Variants in FLACC1 observed in about 807,000 individuals in gnomAD.
FLACC1 encodes the protein flagellum associated containing coiled-coil domains 1, also known as flagellum-associated coiled-coil domain-containing protein 1.
In FLACC1, 66 loss-of-function variants were observed where a neutral mutation model predicts 62.8. The ratio of observed to expected loss-of-function variants is 1.05; its 90% confidence interval spans 0.86 to 1.29. The LOEUF is 1.29. Among genes scored for constraint, FLACC1 ranks in the 50% most tolerant of loss-of-function variants. The pLI is 0.00. For missense variants in FLACC1, 452 were observed against 489.1 expected (o/e 0.92, Z 0.71); for synonymous variants, 156 against 161.0 (o/e 0.97, Z 0.24).
At chr2:201,347,201 A>C (rs555100119) in intron 4 of FLACC1, among the ~76,000 whole-genome samples, 14 of 152,344 alleles carry the variant, frequency 9.2e-5, no homozygotes, top group African/African-American at 3.4e-4. Context: ...TTCCCATTAG[A>C]CGCCAAGTCA....
intron 5 of FLACC1, among the ~76,000 whole-genome samples, chr2:201,345,119 C>T (rs1950886058): frequency 6.6e-6 from 1 of 152,242 alleles, no homozygotes; most frequent in South Asian, 2.1e-4. Flanking sequence ...CAACTGGTGA[C>T]AACTTCCTTG....
chr2:201,290,286 T>C (rs1478852573), intron 12 of FLACC1, among the ~76,000 whole-genome samples: 1 of 151,840 alleles, frequency 6.6e-6, no homozygotes, highest in African/African-American at 2.4e-5. Context: ...CTATGGACTT[T>C]AGTTAATAAG....
intron 11 of FLACC1, among the ~76,000 whole-genome samples, chr2:201,302,816 G>A (rs1950014267): frequency 6.6e-6 from 1 of 152,152 alleles, no homozygotes; most frequent in Admixed American, 6.5e-5. Flanking sequence ...TGAAAAACCT[G>A]CTCCTGAATG....
At chr2:201,319,242 C>T (rs560840761) in intron 9 of FLACC1, among the ~76,000 whole-genome samples, 1 of 152,160 alleles carries the variant, frequency 6.6e-6, no homozygotes, top group East Asian at 1.9e-4. Context: ...ACAAAGTAGA[C>T]AAAAACAAGT....
intron 11 of FLACC1, among the ~76,000 whole-genome samples, chr2:201,300,646 C>T (rs1019444449): frequency 2.6e-5 from 4 of 152,058 alleles, no homozygotes; most frequent in African/African-American, 7.2e-5. Flanking sequence ...CCCTGACCCC[C>T]GAGAAGCCTA....
rs765327826 is a variant in FLACC1, at chr2:201,351,400, T to C, written c.5A>G (p.Tyr2Cys). The C allele has an allele frequency of 3.9e-5, 63 of 1,612,652 alleles. No homozygotes were observed. The highest frequency in any genetic ancestry group is 5.2e-5 in the Non-Finnish European group (61 of 1,179,174). Residue 2 changes from tyrosine to cysteine, a missense_variant, in exon 2 of 15, where the codon TAC becomes TGC. Transcript: ENST00000392257. Reference protein sequence around the residue: MYPNPLIYCTCW... With the variant: MCPNPLIYCTCW... The stretch of plus-strand genomic sequence containing the variant: ...GGTGCAGTAGATGAGAGGGTTGGGG[T>C]ACATGGCCAAAGGTCAGGGGGAGTC...
intron 12 of FLACC1, among the ~76,000 whole-genome samples, chr2:201,295,311 G>C (rs1209546506): frequency 6.6e-6 from 1 of 152,108 alleles, no homozygotes; most frequent in Admixed American, 6.5e-5. Flanking sequence ...TACCAAAACA[G>C]AGATATAGAC....
chr2:201,313,888 C>A (rs1950262332), intron 9 of FLACC1, among the ~76,000 whole-genome samples: 2 of 152,214 alleles, frequency 1.3e-5, no homozygotes, highest in Non-Finnish European at 2.9e-5. Context: ...CATCACAGGA[C>A]TCTGTGCAGA....
intron 9 of FLACC1, among the ~76,000 whole-genome samples, chr2:201,315,020 A>G (rs1354074928): frequency 6.6e-6 from 1 of 152,222 alleles, no homozygotes; most frequent in Non-Finnish European, 1.5e-5. Context: ...CAGCACTACA[A>G]AAACTGCTAA....
chr2:201,321,284 T>C (rs912173068), intron 9 of FLACC1, among the ~76,000 whole-genome samples: 3 of 152,110 alleles, frequency 2.0e-5, no homozygotes, highest in Non-Finnish European at 4.4e-5. Flanking sequence ...GAGACCCTGT[T>C]CCCTTAGGAG....
chr2:201,294,035 T>C (rs1316152913), intron 12 of FLACC1, among the ~76,000 whole-genome samples: 3 of 151,916 alleles, frequency 2.0e-5, no homozygotes, highest in Non-Finnish European at 2.9e-5. Context: ...AATTAATAGC[T>C]TACTAACCAA....
chr2:201,355,905 T>C (rs1951109218), intron 1 of FLACC1, among the ~76,000 whole-genome samples: 1 of 152,082 alleles, frequency 6.6e-6, no homozygotes, highest in South Asian at 2.1e-4. Flanking sequence ...CCTTTTTCTT[T>C]GAACACCCAT....
chr2:201,289,979 C>G (rs1415526112), intron 12 of FLACC1, 194 bp from the exon 13 acceptor site: 5 of 924,368 alleles, frequency 5.4e-6, no homozygotes, highest in East Asian at 5.1e-5. Flanking sequence ...CTCACCAGAG[C>G]TCATATGAAT....
At chr2:201,306,321 C>T (rs1950106545) in intron 11 of FLACC1, among the ~76,000 whole-genome samples, 1 of 152,122 alleles carries the variant, frequency 6.6e-6, no homozygotes, top group South Asian at 2.1e-4. Context: ...AATCTGTCCC[C>T]ATCATCCAAT....
intron 7 of FLACC1, among the ~76,000 whole-genome samples, chr2:201,339,322 T>C (rs2125605906): frequency 6.6e-6 from 1 of 152,268 alleles, no homozygotes; most frequent in South Asian, 2.1e-4. Flanking sequence ...TTGGTTAGTC[T>C]AGCTACTGGT....
intron 12 of FLACC1, among the ~76,000 whole-genome samples, chr2:201,290,918 G>A (rs552026137): frequency 2.6e-5 from 4 of 152,336 alleles, no homozygotes; most frequent in African/African-American, 9.6e-5. Flanking sequence ...CGCCCACGGA[G>A]CCTTGCTCAT....
In FLACC1 at chr2:201,346,711, C is replaced by A; in HGVS notation, c.235-36G>T. 6.2e-7 allele frequency: 1 copy of A among 1,612,874 alleles called. No homozygotes were observed. Among genetic ancestry groups the A allele is most frequent in the Non-Finnish European group, 8.5e-7 (1 of 1,179,676 alleles). On this transcript the variant is annotated intron_variant, in intron 4 of 14. Transcript: ENST00000392257. This position sits in a 1 kb window ranked among gnomAD's most constrained non-coding sequence, Gnocchi z 4.0. Reference sequence around the variant, plus strand: ...AGGGAAAGTAAGATAAAATGGCAGACTTGGAGTGCTGAGATTTTTCCAAAT... The same window carrying A: ...AGGGAAAGTAAGATAAAATGGCAGAATTGGAGTGCTGAGATTTTTCCAAAT...
intron 7 of FLACC1, among the ~76,000 whole-genome samples, chr2:201,335,988 C>T (rs779754938): frequency 9.9e-5 from 15 of 152,024 alleles, no homozygotes; most frequent in Non-Finnish European, 2.2e-4. Context: ...AGAAATACTA[C>T]TAATTTTTTT....
chr2:201,306,919 T>A (rs990190297), intron 11 of FLACC1, among the ~76,000 whole-genome samples: 5 of 152,148 alleles, frequency 3.3e-5, no homozygotes, highest in African/African-American at 1.2e-4. Context: ...AATGGACCAA[T>A]AAGCATATGA....
Sources: gnomAD v4.1 joint callset for allele counts (sites outside exome capture counted in the v4.1 genomes callset) on GRCh38, gnomAD v4.1.1 for gene constraint, Gnocchi (gnomAD v3.1) non-coding constraint, MANE v1.5 for transcripts, NCBI Gene and HGNC (gene_info 2026-07-23, HGNC 2026-07-21) for gene names.